PLCB1: variants seen among roughly 807,000 people sequenced by gnomAD.
PLCB1 encodes 1-phosphatidylinositol 4,5-bisphosphate phosphodiesterase beta-1.
A neutral mutation model predicts 161.8 loss-of-function variants in PLCB1; 46 were observed. The observed-to-expected ratio is 0.28, with a 90% CI of 0.22 to 0.36. The LOEUF is 0.36. Among genes scored for constraint, PLCB1 ranks in the 10% least tolerant of loss-of-function variants. The probability of loss-of-function intolerance (pLI) is 1.00; values close to 1 mark genes in which losing one functional copy is unlikely to be tolerated. For synonymous variants in PLCB1, 517 were observed against 503.7 expected, an observed-to-expected ratio of 1.03 and a Z score of -0.35; for missense variants, 1,016 against 1,472.5, an observed-to-expected ratio of 0.69 and a Z score of 5.07.
intron 26 of PLCB1, among the ~76,000 whole-genome samples, chr20:8,772,539 T>C (rs1033182487): frequency 7.9e-5 from 12 of 152,126 alleles, no homozygotes; most frequent in African/African-American, 2.9e-4. Flanking sequence ...GTGCCCGGCA[T>C]ATGGGGGGAT....
chr20:8,456,072 G>T (rs1568683412), intron 3 of PLCB1, among the ~76,000 whole-genome samples: 1 of 152,172 alleles, frequency 6.6e-6, no homozygotes, highest in Non-Finnish European at 1.5e-5. Flanking sequence ...CAAAGATTTG[G>T]TTTCAAATTA....
chr20:8,193,635 A>G (rs954280665), intron 2 of PLCB1, among the ~76,000 whole-genome samples: 2 of 152,020 alleles, frequency 1.3e-5, no homozygotes, highest in African/African-American at 4.8e-5. Flanking sequence ...AAAACTTTTT[A>G]TACTTCATAA....
chr20:8,400,259 C>T (rs1395452317), intron 3 of PLCB1, among the ~76,000 whole-genome samples: 1 of 152,088 alleles, frequency 6.6e-6, no homozygotes. Context: ...AATAAGTTTT[C>T]CTTTAAGTGA....
In PLCB1 at chr20:8,417,835, A is replaced by G. The variant is rs144047081; in HGVS notation, c.246+46385A>G. 2.2e-4 allele frequency among the ~76,000 whole-genome samples: 33 copies of G among 152,338 alleles called. No homozygotes were observed. The East Asian group carries it at 5.2e-3, about 24-fold the overall frequency. On this transcript the variant is annotated intron_variant, in intron 3 of 31. Coordinates refer to ENST00000338037, the MANE Select transcript of PLCB1 (RefSeq NM_015192.4). ...GTCCATCTTGTACTTGTGAATAATA[A>G]TTCAGTCTAGCAGGATGTCCTCTTG...
chr20:8,617,217 A>C (rs575717541), intron 3 of PLCB1, among the ~76,000 whole-genome samples: 1 of 152,184 alleles, frequency 6.6e-6, no homozygotes, highest in Non-Finnish European at 1.5e-5. Context: ...AGTTCATGAG[A>C]GCCAATTGTT....
intron 31 of PLCB1, among the ~76,000 whole-genome samples, chr20:8,842,501 T>TA (rs1299579638): frequency 1.3e-5 from 2 of 152,206 alleles, no homozygotes; most frequent in South Asian, 2.1e-4. Flanking sequence ...TAATAGGTTT[T>TA]ATTCATAGAC....
At chr20:8,238,249 G>A (rs1001208086) in intron 2 of PLCB1, among the ~76,000 whole-genome samples, 7 of 152,134 alleles carry the variant, frequency 4.6e-5, no homozygotes, top group South Asian at 2.1e-4. Flanking sequence ...ATTTACCTGC[G>A]TGGAAGTATC....
chr20:8,581,730 G>A (rs891621260), intron 3 of PLCB1, among the ~76,000 whole-genome samples: 1 of 152,096 alleles, frequency 6.6e-6, no homozygotes, highest in South Asian at 2.1e-4. Context: ...AGGATGGTTG[G>A]TCATCCTAAG....
chr20:8,751,512 C>A (rs1251602960), intron 23 of PLCB1: 3 of 152,104 alleles, frequency 2.0e-5, no homozygotes, highest in Non-Finnish European at 2.9e-5. Context: ...TTTTACTGGT[C>A]CATCTGTATT....
At chr20:8,437,642 TC>T (rs1015391826) in intron 3 of PLCB1, among the ~76,000 whole-genome samples, 94 of 152,354 alleles carry the variant, frequency 6.2e-4, no homozygotes, top group African/African-American at 2.1e-3. Flanking sequence ...GGTGTTTATT[TC>T]TACCATTATT....
At chr20:8,390,198 C>T (rs905113694) in intron 3 of PLCB1, among the ~76,000 whole-genome samples, 5 of 152,154 alleles carry the variant, frequency 3.3e-5, no homozygotes, top group South Asian at 2.1e-4. Flanking sequence ...ATTCTGGGAG[C>T]GGGAAGTCTG....
chr20:8,609,557 A>G (rs753381244), intron 3 of PLCB1, among the ~76,000 whole-genome samples: 2 of 152,120 alleles, frequency 1.3e-5, no homozygotes, highest in Non-Finnish European at 2.9e-5. Flanking sequence ...TTTACCACCT[A>G]TTATTAGGCC....
At chr20:8,307,772 A>C (rs141993037) in intron 2 of PLCB1, among the ~76,000 whole-genome samples, 4 of 152,032 alleles carry the variant, frequency 2.6e-5, no homozygotes, top group Admixed American at 2.6e-4. Flanking sequence ...AAATACAAAA[A>C]TTAGCCGGGC....
chr20:8,239,058 T>C (rs1205753076), intron 2 of PLCB1, among the ~76,000 whole-genome samples: 1 of 151,694 alleles, frequency 6.6e-6, no homozygotes, highest in Non-Finnish European at 1.5e-5. Context: ...AAAGAGGGGA[T>C]AGTTGAGTAA....
chr20:8,154,649 T>C (rs1169155975), intron 2 of PLCB1, among the ~76,000 whole-genome samples: 1 of 152,220 alleles, frequency 6.6e-6, no homozygotes, highest in Non-Finnish European at 1.5e-5. Context: ...GCAACTGTTA[T>C]ATCACCTTGT....
intron 3 of PLCB1, among the ~76,000 whole-genome samples, chr20:8,616,344 TG>T (rs1988039974): frequency 6.6e-6 from 1 of 152,194 alleles, no homozygotes; most frequent in African/African-American, 2.4e-5. Flanking sequence ...TTGCATAACA[TG>T]CTACTCCACT....
intron 2 of PLCB1, among the ~76,000 whole-genome samples, chr20:8,170,652 C>T (rs1459551794): frequency 6.6e-6 from 1 of 151,988 alleles, no homozygotes; most frequent in Non-Finnish European, 1.5e-5. Flanking sequence ...ATACTTGGTA[C>T]ATAGAAGGAA....
Position 8,138,424 on chromosome 20 carries a change from C to T in PLCB1, c.99+5674C>T, listed in dbSNP as rs538604880. 1.0e-3 allele frequency among the ~76,000 whole-genome samples: 155 copies of T among 152,278 alleles called. 1 individual carries two copies. The highest frequency in any genetic ancestry group is 3.6e-3 in the African/African-American group (151 of 41,562). ...GGATTGCTGGTGAATTGTTGACTAA[C>T]GCTATGGGTCTCCACTTAAATAACA... On this transcript the variant is annotated intron_variant, in intron 1 of 31. Transcript: ENST00000338037.
At chr20:8,314,759 C>T (rs559622382) in intron 2 of PLCB1, among the ~76,000 whole-genome samples, 44 of 152,146 alleles carry the variant, frequency 2.9e-4, no homozygotes, top group Middle Eastern at 6.8e-3. Flanking sequence ...AATGTAACTC[C>T]TCCATTTGAA....
Sources: allele counts gnomAD v4.1 joint callset (sites outside exome capture counted in the v4.1 genomes callset), GRCh38; gene constraint gnomAD v4.1.1; transcripts MANE v1.5; gene names NCBI Gene and HGNC (gene_info 2026-07-23, HGNC 2026-07-21).